Variants in RBFOX1 observed in about 807,000 individuals in gnomAD.
RBFOX1 encodes RNA binding fox-1 homolog 1.
A neutral mutation model predicts 57.7 loss-of-function variants in RBFOX1; 8 were observed. The observed-to-expected ratio is 0.14, with a 90% CI of 0.08 to 0.25. RBFOX1 has a LOEUF of 0.25. Among genes scored for constraint, RBFOX1 ranks in the 10% least tolerant of loss-of-function variants. The probability of loss-of-function intolerance (pLI) is 1.00; values close to 1 mark genes in which losing one functional copy is unlikely to be tolerated. For synonymous variants in RBFOX1, 326 were observed against 222.4 expected (o/e 1.47, Z -4.15); for missense variants, 611 against 548.5 (o/e 1.11, Z -1.14).
chr16:5,814,818 A>G (rs1488807589), intron 3 of RBFOX1, among the ~76,000 whole-genome samples: 3 of 152,014 alleles, frequency 2.0e-5, no homozygotes, highest in Non-Finnish European at 1.5e-5. Flanking sequence ...AGTCCCAGCT[A>G]CTCGGGAGGC....
At chr16:6,791,279 G>A (rs1037700701) in intron 3 of RBFOX1, among the ~76,000 whole-genome samples, 1 of 152,168 alleles carries the variant, frequency 6.6e-6, no homozygotes, top group Non-Finnish European at 1.5e-5. Flanking sequence ...CAGCTGCATG[G>A]AAATTGCTTT....
chr16:7,682,552 T>TTTTTTTTAATCTTTTA (rs1266207990), intron 14 of RBFOX1, among the ~76,000 whole-genome samples: 1 of 151,906 alleles, frequency 6.6e-6, no homozygotes, highest in Non-Finnish European at 1.5e-5. Flanking sequence ...TTAGTTTTTT[T>TTTTTTTTAATCTTTTA]TTTTTTTAAT....
chr16:6,751,985 A>G (rs940449898), intron 3 of RBFOX1, among the ~76,000 whole-genome samples: 1 of 152,158 alleles, frequency 6.6e-6, no homozygotes, highest in Non-Finnish European at 1.5e-5. Context: ...CAAATCAAGC[A>G]CTTTAATAGG....
At chr16:5,303,082 G>A (rs1489744117) in intron 1 of RBFOX1, among the ~76,000 whole-genome samples, 1 of 152,078 alleles carries the variant, frequency 6.6e-6, no homozygotes, top group Non-Finnish European at 1.5e-5. Flanking sequence ...TTGGGGTGTT[G>A]CTTTGGTTGA....
intron 3 of RBFOX1, among the ~76,000 whole-genome samples, chr16:5,646,566 G>T (rs774388385): frequency 6.6e-6 from 1 of 152,164 alleles, no homozygotes; most frequent in Admixed American, 6.5e-5. Context: ...TGCTATGTCA[G>T]AGGGTCGCAG....
chr16:6,976,361 T>C (rs2086849816), intron 3 of RBFOX1, among the ~76,000 whole-genome samples: 1 of 152,164 alleles, frequency 6.6e-6, no homozygotes, highest in Non-Finnish European at 1.5e-5. Flanking sequence ...CATTCAGTCC[T>C]ATCCATGAAT....
intron 4 of RBFOX1, among the ~76,000 whole-genome samples, chr16:6,001,157 G>C (rs771829844): frequency 1.3e-5 from 2 of 152,192 alleles, no homozygotes; most frequent in African/African-American, 2.4e-5. Context: ...GTGAGCTAGA[G>C]GCAACAATAT....
At chr16:7,649,576 C>T (rs2064512160) in intron 11 of RBFOX1, among the ~76,000 whole-genome samples, 1 of 151,974 alleles carries the variant, frequency 6.6e-6, no homozygotes, top group Admixed American at 6.6e-5. Flanking sequence ...TCTGCAAATT[C>T]TGAGCAGGTC....
intron 4 of RBFOX1, among the ~76,000 whole-genome samples, chr16:7,275,856 A>G (rs918890169): frequency 6.6e-6 from 1 of 152,108 alleles, no homozygotes; most frequent in Non-Finnish European, 1.5e-5. Context: ...GTCCACTCCA[A>G]CCTGTGCAGA....
At chr16:7,015,211 C>T (rs932215086) in intron 3 of RBFOX1, among the ~76,000 whole-genome samples, 1 of 152,098 alleles carries the variant, frequency 6.6e-6, no homozygotes, top group African/African-American at 2.4e-5. Context: ...CATCCAGTGG[C>T]ATTGTGAAGG....
chr16:6,941,548 C>G (rs907430087), intron 3 of RBFOX1, among the ~76,000 whole-genome samples: 4 of 151,980 alleles, frequency 2.6e-5, no homozygotes, highest in African/African-American at 9.7e-5. Context: ...GTTCTCACAC[C>G]TGTCCACCAA....
At chr16:6,761,824 C>G (rs1391659027) in intron 3 of RBFOX1, among the ~76,000 whole-genome samples, 1 of 151,868 alleles carries the variant, frequency 6.6e-6, no homozygotes, top group Non-Finnish European at 1.5e-5. Flanking sequence ...CTTGTTGCTA[C>G]TACGCCATCC....
intron 3 of RBFOX1, among the ~76,000 whole-genome samples, chr16:6,675,719 C>G (rs1168593128): frequency 1.3e-5 from 2 of 152,174 alleles, no homozygotes; most frequent in East Asian, 1.9e-4. Context: ...AGAAAACAAG[C>G]GAAAGGGCTT....
intron 4 of RBFOX1, among the ~76,000 whole-genome samples, chr16:7,491,432 G>A (rs2066939026): frequency 9.0e-6 from 1 of 111,244 alleles, no homozygotes; most frequent in Non-Finnish European, 2.1e-5. Context: ...GAAGCAGCCT[G>A]GGAAGGCAGG....
intron 3 of RBFOX1, among the ~76,000 whole-genome samples, chr16:6,724,582 G>A (rs942339268): frequency 2.0e-5 from 3 of 151,996 alleles, no homozygotes; most frequent in South Asian, 2.1e-4. Flanking sequence ...TGGACTTCCC[G>A]GCCTCCAGAA....
intron 4 of RBFOX1, among the ~76,000 whole-genome samples, chr16:7,068,933 G>A (rs2346262): frequency 0.82 from 124,085 of 152,248 alleles, 51,201 homozygotes; most frequent in African/African-American, 0.94. Flanking sequence ...TTCTACTCAC[G>A]AAGTGTGTCA....
intron 1 of RBFOX1, among the ~76,000 whole-genome samples, chr16:5,380,045 C>T (rs2066091462): frequency 6.6e-6 from 1 of 152,166 alleles, no homozygotes; most frequent in East Asian, 1.9e-4. Flanking sequence ...CCAGCTGTGA[C>T]AGGAAGCCGG....
intron 3 of RBFOX1, among the ~76,000 whole-genome samples, chr16:6,934,942 G>A (rs890267275): frequency 3.3e-5 from 5 of 152,028 alleles, no homozygotes; most frequent in Non-Finnish European, 7.4e-5. Flanking sequence ...AAAAAAATTA[G>A]CTTGGCCTGG....
Position 5,545,476 on chromosome 16 carries a change from C to G in RBFOX1, c.259-53426C>G, listed in dbSNP as rs150540007. 9.2e-3 allele frequency among the ~76,000 whole-genome samples: 1,398 copies of G among 151,910 alleles called. 10 individuals are homozygous for G. Among genetic ancestry groups the G allele is most frequent in the Non-Finnish European group, 0.015 (1,049 of 67,952 alleles). On this transcript the variant is annotated intron_variant, in intron 2 of 2. Transcript: ENST00000585867. ...CAAATAATTGTAAACAAAATTTTAGCAAAGCAAATACAGCAATATATAAAA... is the reference window on the plus strand; with the variant it reads ...CAAATAATTGTAAACAAAATTTTAGGAAAGCAAATACAGCAATATATAAAA...
Sources: allele counts gnomAD v4.1 joint callset (sites outside exome capture counted in the v4.1 genomes callset), GRCh38; gene constraint gnomAD v4.1.1; transcripts MANE v1.5; gene names NCBI Gene and HGNC (gene_info 2026-07-23, HGNC 2026-07-21).